PTBP3: variants seen among roughly 807,000 people sequenced by gnomAD.
The protein encoded by PTBP3 is polypyrimidine tract-binding protein 3.
PTBP3 carries 20 observed loss-of-function variants against 58.7 expected under a neutral mutation model. The ratio of observed to expected loss-of-function variants is 0.34; its 90% CI spans 0.24 to 0.50. The LOEUF (loss-of-function observed/expected upper bound fraction) is 0.50. Among genes scored for constraint, PTBP3 ranks in the 20% least tolerant of loss-of-function variants. PTBP3 has a pLI of 0.98. For synonymous variants in PTBP3, 185 were observed against 219.8 expected (o/e 0.84, Z 1.40); for missense variants, 509 against 637.2 (o/e 0.80, Z 2.17).
upstream of PTBP3, among the ~76,000 whole-genome samples, chr9:112,333,928 G>T (rs542030180): frequency 5.6e-4 from 84 of 149,616 alleles, no homozygotes; most frequent in Non-Finnish European, 1.1e-3. Flanking sequence ...CCGCTCCGCC[G>T]CGCACCCCGC....
chr9:112,233,204 T>C (rs563769096), intron 8 of PTBP3, among the ~76,000 whole-genome samples: 33 of 151,920 alleles, frequency 2.2e-4, no homozygotes, highest in African/African-American at 7.5e-4. Context: ...ACCCTGACTT[T>C]TGCATAACTT....
rs562965346 is a variant in PTBP3 at position 112,279,445 on chromosome 9, A to G, written c.35-3432T>C. ...TCAAAACTAGAAGAATCTGTCAGGA[A>G]AACTACTTGCGAAACATGGATTCAT... On this transcript the variant is annotated intron_variant, in intron 2 of 13. Coordinates refer to ENST00000374257, the MANE Select transcript of PTBP3 (RefSeq NM_001163788.4). Among the ~76,000 whole-genome samples the G allele has an allele frequency of 1.4e-4, 21 of 152,338 alleles. No homozygotes were observed. In the East Asian group the frequency reaches 4.1e-3, roughly 29 times the overall value.
chr9:112,256,168 C>T (rs190070497), intron 5 of PTBP3, among the ~76,000 whole-genome samples: 27 of 150,374 alleles, frequency 1.8e-4, no homozygotes, highest in African/African-American at 5.1e-4. Context: ...GCAGGAGAAT[C>T]GCTTGAATCT....
At chr9:112,227,950 A>T (rs1835054741) in intron 11 of PTBP3, among the ~76,000 whole-genome samples, 1 of 152,182 alleles carries the variant, frequency 6.6e-6, no homozygotes, top group African/African-American at 2.4e-5. Context: ...GCATTTTTAT[A>T]AGAAATTTTG....
the PTBP3 span, among the ~76,000 whole-genome samples, chr9:112,369,114 T>C: frequency 6.6e-6 from 1 of 152,192 alleles, no homozygotes; most frequent in Non-Finnish European, 1.5e-5. Context: ...AGCAGAGGTG[T>C]GCTGCAGGGG....
chr9:112,357,161 C>T, the PTBP3 span, among the ~76,000 whole-genome samples: 3 of 152,210 alleles, frequency 2.0e-5, no homozygotes, highest in East Asian at 3.9e-4. Context: ...AGATTACAGG[C>T]ATGAGCCACC....
At chr9:112,315,019 G>T (rs1829646010) in intron 1 of PTBP3, among the ~76,000 whole-genome samples, 1 of 152,036 alleles carries the variant, frequency 6.6e-6, no homozygotes, top group Non-Finnish European at 1.5e-5. Context: ...TTTTAGTAGA[G>T]ACGGAGTGTC....
intron 1 of PTBP3, chr9:112,333,111 G>A (rs1441080562): frequency 4.0e-6 from 5 of 1,261,082 alleles, no homozygotes; most frequent in Admixed American, 4.3e-5. Flanking sequence ...ACCATTTTCT[G>A]AGAGGAAGTG....
intron 7 of PTBP3, among the ~76,000 whole-genome samples, chr9:112,240,146 A>G (rs912570308): frequency 6.6e-6 from 1 of 152,208 alleles, no homozygotes; most frequent in Non-Finnish European, 1.5e-5. Flanking sequence ...AGGGCCTTGT[A>G]ATCCAATGTA....
At chr9:112,285,937 A>G (rs1828095854) in intron 2 of PTBP3, among the ~76,000 whole-genome samples, 1 of 152,202 alleles carries the variant, frequency 6.6e-6, no homozygotes, top group Non-Finnish European at 1.5e-5. Context: ...AGATTTATCT[A>G]TTTCTGTTTT....
chr9:112,246,274 C>T (rs1835873166), intron 7 of PTBP3, among the ~76,000 whole-genome samples: 2 of 151,890 alleles, frequency 1.3e-5, no homozygotes, highest in Non-Finnish European at 2.9e-5. Flanking sequence ...TAAGCCACCG[C>T]ACCCAGCCAA....
chr9:112,282,060 G>C (rs1327878), intron 2 of PTBP3, among the ~76,000 whole-genome samples: 127,827 of 152,102 alleles, frequency 0.84, 54,013 homozygotes, highest in African/African-American at 0.92. Context: ...CTCTTAAGTA[G>C]TCTAATCCAA....
chr9:112,259,917 T>G (rs1052171628), intron 5 of PTBP3, among the ~76,000 whole-genome samples: 1 of 152,200 alleles, frequency 6.6e-6, no homozygotes, highest in Non-Finnish European at 1.5e-5. Context: ...CATTTGATCA[T>G]TAGAGCTAAT....
the PTBP3 span, among the ~76,000 whole-genome samples, chr9:112,339,438 T>A: frequency 5.3e-5 from 8 of 152,108 alleles, no homozygotes; most frequent in Non-Finnish European, 1.2e-4. Context: ...CCCCACTCTC[T>A]ATCCTGAGGA....
intron 1 of PTBP3, among the ~76,000 whole-genome samples, chr9:112,302,582 C>CCTTTTT (rs1828985532): frequency 2.7e-5 from 3 of 110,496 alleles, no homozygotes; most frequent in Non-Finnish European, 5.4e-5. Context: ...TATTCTTCAT[C>CCTTTTT]TTTTTTTTTT....
intron 1 of PTBP3, among the ~76,000 whole-genome samples, chr9:112,308,525 A>G (rs1829333014): frequency 1.3e-5 from 2 of 152,100 alleles, no homozygotes; most frequent in African/African-American, 4.8e-5. Context: ...AATTTTCCGT[A>G]AGGTTTGACT....
intron 1 of PTBP3, chr9:112,298,601 A>G: frequency 2.0e-6 from 1 of 504,058 alleles, no homozygotes; most frequent in South Asian, 1.5e-5. Context: ...GTTAAAACCA[A>G]CCTATTTTAA....
intron 5 of PTBP3, among the ~76,000 whole-genome samples, chr9:112,258,246 G>A (rs1010189784): frequency 1.1e-4 from 16 of 152,122 alleles, no homozygotes; most frequent in Non-Finnish European, 2.1e-4. Flanking sequence ...TGAGAACATC[G>A]TTATGAGCTA....
chr9:112,283,802 G>A (rs1332316018), intron 2 of PTBP3, among the ~76,000 whole-genome samples: 1 of 152,224 alleles, frequency 6.6e-6, no homozygotes, highest in East Asian at 1.9e-4. Context: ...GCTGGCCTGG[G>A]CCCTGCTGCT....
Sources: gnomAD v4.1 joint callset for allele counts (sites outside exome capture counted in the v4.1 genomes callset) on GRCh38, gnomAD v4.1.1 for gene constraint, MANE v1.5 for transcripts, NCBI Gene and HGNC (gene_info 2026-07-23, HGNC 2026-07-21) for gene names.